OPCML: variants seen among roughly 807,000 people sequenced by gnomAD.
OPCML encodes opioid-binding protein/cell adhesion molecule.
Under a neutral mutation model 37.8 loss-of-function variants are expected in OPCML, and 13 were observed. The ratio of observed to expected loss-of-function variants is 0.34; its 90% confidence interval spans 0.22 to 0.55. OPCML has a LOEUF of 0.55. Ranked by LOEUF, OPCML falls within the 20% of genes least tolerant of loss-of-function variation. OPCML has a pLI of 0.91. For synonymous variants in OPCML, 176 were observed against 168.8 expected, an observed-to-expected ratio of 1.04 and a Z score of -0.33; for missense variants, 341 against 435.6, an observed-to-expected ratio of 0.78 and a Z score of 1.93.
At position 132,698,877 on chromosome 11, in the gene OPCML, G is replaced by T. The variant is rs371589022; in HGVS notation, c.147-41558C>A. 5.3e-5 allele frequency among the ~76,000 whole-genome samples: 8 copies of T among 151,628 alleles called. No homozygotes were observed. In the East Asian group the frequency reaches 1.6e-3, roughly 29 times the overall value. On this transcript the variant is annotated intron_variant, in intron 2 of 7. Coordinates refer to ENST00000524381, the MANE Select transcript of OPCML (RefSeq NM_001012393.5). ...AATTTTTTCAATAAATTTTAGAATT[G>T]TTCTTTATATTTCTCTGAAAAAAAA...
chr11:133,017,635 C>T (rs2136892925), intron 1 of OPCML, among the ~76,000 whole-genome samples: 1 of 152,294 alleles, frequency 6.6e-6, no homozygotes. Flanking sequence ...GTGATCTGCC[C>T]TCCTCGGCCT....
intron 1 of OPCML, among the ~76,000 whole-genome samples, chr11:133,378,664 TTC>T (rs1390976976): frequency 9.2e-5 from 14 of 151,478 alleles, no homozygotes; most frequent in Non-Finnish European, 1.8e-4. Context: ...TTTCTTTTCT[TTC>T]TTTCTTTTCT....
chr11:132,517,961 C>G (rs977062427), intron 4 of OPCML, among the ~76,000 whole-genome samples: 1 of 152,114 alleles, frequency 6.6e-6, no homozygotes, highest in Non-Finnish European at 1.5e-5. Flanking sequence ...ATGAGATGTT[C>G]TTAGTTAAAT....
intron 1 of OPCML, among the ~76,000 whole-genome samples, chr11:133,069,110 G>T (rs1541882): frequency 1.3e-5 from 2 of 152,038 alleles, no homozygotes; most frequent in Non-Finnish European, 2.9e-5. Context: ...TAAAAAGAAC[G>T]CTTGAATTTT....
At chr11:133,233,671 T>C (rs1849418098) in intron 1 of OPCML, among the ~76,000 whole-genome samples, 1 of 152,160 alleles carries the variant, frequency 6.6e-6, no homozygotes, top group Non-Finnish European at 1.5e-5. Flanking sequence ...CTTGTTAAAA[T>C]GGTATATAAG....
intron 1 of OPCML, among the ~76,000 whole-genome samples, chr11:133,325,272 T>A (rs1370410462): frequency 2.6e-5 from 4 of 152,242 alleles, no homozygotes; most frequent in Non-Finnish European, 5.9e-5. Context: ...TATCAAAGCA[T>A]TCTTTTTTGG....
At chr11:132,871,446 C>T (rs535564680) in intron 2 of OPCML, among the ~76,000 whole-genome samples, 1 of 152,262 alleles carries the variant, frequency 6.6e-6, no homozygotes, top group South Asian at 2.1e-4. Flanking sequence ...CTAAGCAATG[C>T]AATATCATGA....
chr11:133,137,902 T>C (rs1949715127), intron 1 of OPCML, among the ~76,000 whole-genome samples: 2 of 152,146 alleles, frequency 1.3e-5, no homozygotes, highest in African/African-American at 4.8e-5. Context: ...AAACAGCAAA[T>C]TACATGCACC....
In OPCML at chr11:133,205,896, G is replaced by A. The variant is rs1313373629; in HGVS notation, c.62-262886C>T. Among the ~76,000 whole-genome samples, 1 of 152,120 alleles carries A rather than the reference G, an allele frequency of 6.6e-6. No individual in the cohort carries two copies. Among genetic ancestry groups the A allele is most frequent in the Non-Finnish European group, 1.5e-5 (1 of 68,026 alleles). On this transcript the variant is annotated intron_variant, in intron 1 of 7. Coordinates refer to ENST00000524381, the MANE Select transcript of OPCML (RefSeq NM_001012393.5). This position sits in a 1 kb window ranked among gnomAD's most constrained non-coding sequence, Gnocchi z 4.8. ...AGATGTCAGAGTGCAATGGCAAAGTGGGGGCCAGGGTTCACAATCTGTCTC... is the reference window on the plus strand; with the variant it reads ...AGATGTCAGAGTGCAATGGCAAAGTAGGGGCCAGGGTTCACAATCTGTCTC...
intron 2 of OPCML, among the ~76,000 whole-genome samples, chr11:132,782,939 A>G (rs1436256893): frequency 6.8e-6 from 1 of 146,626 alleles, no homozygotes; most frequent in African/African-American, 2.5e-5. Context: ...ATATATATAT[A>G]TATATATGTA....
chr11:132,852,769 A>C (rs1941871092), intron 2 of OPCML, among the ~76,000 whole-genome samples: 2 of 152,122 alleles, frequency 1.3e-5, no homozygotes, highest in African/African-American at 4.8e-5. Context: ...ACCAAAGAGA[A>C]AGCATACATC....
chr11:132,735,547 T>C (rs1224274267), intron 2 of OPCML, among the ~76,000 whole-genome samples: 1 of 152,040 alleles, frequency 6.6e-6, no homozygotes, highest in Non-Finnish European at 1.5e-5. Flanking sequence ...AGTGCAGTGG[T>C]GCAATCTTGG....
At chr11:132,423,768 G>A (rs930151553) in intron 7 of OPCML, among the ~76,000 whole-genome samples, 1 of 152,164 alleles carries the variant, frequency 6.6e-6, no homozygotes. Flanking sequence ...CGGGGCTCAC[G>A]TTTGGTCCCA....
intron 2 of OPCML, among the ~76,000 whole-genome samples, chr11:132,848,510 T>C (rs1339101166): frequency 6.6e-6 from 1 of 152,242 alleles, no homozygotes; most frequent in Non-Finnish European, 1.5e-5. Flanking sequence ...GATGCCTATG[T>C]GTGCTTGGGC....
Position 132,420,164 on chromosome 11 carries a change from G to A in OPCML, c.*29C>T, listed in dbSNP as rs753209381. On this transcript the variant is annotated 3_prime_UTR_variant, in exon 8 of 8. Transcript: ENST00000524381. ...TAAAGTCTGTGATATGGAGAAGCAG[G>A]CGTTGCTCAGAGGACCTAGGATTTC... The A allele has an allele frequency of 3.1e-6, 5 of 1,595,358 alleles. No individual in the cohort carries two copies. The Admixed American group carries it at 8.3e-5, about 27-fold the overall frequency.
At chr11:132,456,080 C>T (rs2096081950) in intron 4 of OPCML, among the ~76,000 whole-genome samples, 1 of 152,178 alleles carries the variant, frequency 6.6e-6, no homozygotes, top group African/African-American at 2.4e-5. Flanking sequence ...CTCATTCTCA[C>T]AGCTGTTCAT....
intron 1 of OPCML, among the ~76,000 whole-genome samples, chr11:133,175,167 AGAT>A (rs1395849441): frequency 1.2e-4 from 18 of 152,242 alleles, no homozygotes; most frequent in Non-Finnish European, 7.3e-5. Context: ...CAGTCTGAGC[AGAT>A]TTAAAAAGGA....
intron 3 of OPCML, among the ~76,000 whole-genome samples, chr11:132,546,244 T>C (rs564498813): frequency 6.6e-6 from 1 of 152,314 alleles, no homozygotes; most frequent in East Asian, 1.9e-4. Flanking sequence ...TTGCCAGACT[T>C]CCCAACATCC....
intron 2 of OPCML, among the ~76,000 whole-genome samples, chr11:132,676,875 C>T (rs973008029): frequency 6.1e-5 from 9 of 148,660 alleles, no homozygotes; most frequent in Middle Eastern, 3.3e-3. Flanking sequence ...TACTTTTCAA[C>T]GCTGTACTAA....
Sources: allele counts gnomAD v4.1 joint callset (sites outside exome capture counted in the v4.1 genomes callset), GRCh38; gene constraint gnomAD v4.1.1; non-coding constraint Gnocchi (gnomAD v3.1); transcripts MANE v1.5; gene names NCBI Gene and HGNC (gene_info 2026-07-23, HGNC 2026-07-21).